Variants in ROBO1 observed in about 807,000 individuals in gnomAD.
ROBO1 encodes roundabout homolog 1.
In ROBO1, 149 loss-of-function variants were observed where a neutral mutation model predicts 195.9. The observed-to-expected ratio is 0.76, with a 90% CI of 0.67 to 0.87. ROBO1 has a LOEUF of 0.87. Among genes scored for constraint, ROBO1 ranks in the 40% least tolerant of loss-of-function variants. The pLI is 0.00. For synonymous variants in ROBO1, 816 were observed against 733.2 expected (o/e 1.11, Z -1.82); for missense variants, 1,933 against 2,068.3 (o/e 0.93, Z 1.27).
At chr3:79,381,857 T>C (rs891013531) in intron 2 of ROBO1, among the ~76,000 whole-genome samples, 3 of 152,288 alleles carry the variant, frequency 2.0e-5, no homozygotes, top group Non-Finnish European at 4.4e-5. Context: ...TAAAATTTTG[T>C]ACGTCTTTTC....
intron 3 of ROBO1, among the ~76,000 whole-genome samples, chr3:79,068,293 T>G (rs559506913): frequency 1.3e-4 from 19 of 151,862 alleles, no homozygotes; most frequent in African/African-American, 4.6e-4. Flanking sequence ...AAACTTCTCA[T>G]GCAATGAATG....
At chr3:78,655,051 T>C (rs1321471910) in intron 18 of ROBO1, among the ~76,000 whole-genome samples, 1 of 152,346 alleles carries the variant, frequency 6.6e-6, no homozygotes, top group East Asian at 1.9e-4. Flanking sequence ...TACAGTTTCT[T>C]GTGTTGCTTG....
intron 25 of ROBO1, among the ~76,000 whole-genome samples, chr3:78,629,052 C>T (rs539436558): frequency 2.0e-4 from 30 of 151,894 alleles, no homozygotes; most frequent in Admixed American, 1.5e-3. Flanking sequence ...GCAAAACACT[C>T]GAGTATCTGC....
intron 2 of ROBO1, among the ~76,000 whole-genome samples, chr3:79,205,316 T>C (rs930794870): frequency 2.6e-5 from 4 of 152,100 alleles, no homozygotes; most frequent in African/African-American, 4.8e-5. Flanking sequence ...ATGATTGGAT[T>C]AGGGAATTGT....
intron 1 of ROBO1, among the ~76,000 whole-genome samples, chr3:79,766,618 C>T (rs1256043463): frequency 6.6e-6 from 1 of 152,042 alleles, no homozygotes; most frequent in Non-Finnish European, 1.5e-5. Flanking sequence ...GTGGGGTTGC[C>T]ACGCCGAGTT....
intron 2 of ROBO1, among the ~76,000 whole-genome samples, chr3:79,422,367 T>A (rs1264718415): frequency 6.6e-6 from 1 of 152,000 alleles, no homozygotes; most frequent in East Asian, 1.9e-4. Context: ...GATTCCTTCT[T>A]ACTAACCCTA....
chr3:78,876,969 A>T (rs1014558611), intron 4 of ROBO1, among the ~76,000 whole-genome samples: 27 of 152,136 alleles, frequency 1.8e-4, no homozygotes, highest in African/African-American at 2.4e-5. Context: ...AGTTTGTTTA[A>T]GGCCAATTAT....
intron 10 of ROBO1, among the ~76,000 whole-genome samples, chr3:78,677,025 A>G (rs1314946463): frequency 6.6e-6 from 1 of 152,118 alleles, no homozygotes; most frequent in Non-Finnish European, 1.5e-5. Context: ...AATATTCAAC[A>G]TTCTTAAAGA....
At chr3:79,039,744 G>A (rs868380712) in intron 3 of ROBO1, among the ~76,000 whole-genome samples, 9 of 126,750 alleles carry the variant, frequency 7.1e-5, no homozygotes, top group Non-Finnish European at 1.1e-4. Flanking sequence ...GAGGTTGCAG[G>A]TGACCCGAGA....
chr3:79,265,861 C>T (rs71324665), intron 2 of ROBO1, among the ~76,000 whole-genome samples: 163 of 150,842 alleles, frequency 1.1e-3, no homozygotes, highest in Non-Finnish European at 2.1e-3. Context: ...AACTGTTATA[C>T]GACCCAATGG....
chr3:79,175,206 T>TC (rs1393637417), intron 2 of ROBO1, among the ~76,000 whole-genome samples: 1 of 152,244 alleles, frequency 6.6e-6, no homozygotes, highest in East Asian at 1.9e-4. Flanking sequence ...CTCAAACTTA[T>TC]AATAAAATTA....
At chr3:79,318,910 A>G (rs986984251) in intron 2 of ROBO1, among the ~76,000 whole-genome samples, 11 of 152,248 alleles carry the variant, frequency 7.2e-5, no homozygotes, top group South Asian at 2.1e-4. Flanking sequence ...AAAAAGAAAT[A>G]GGTAAAATGA....
At chr3:79,133,378 C>A (rs1411151671) in intron 2 of ROBO1, among the ~76,000 whole-genome samples, 40 of 121,322 alleles carry the variant, frequency 3.3e-4, no homozygotes, top group African/African-American at 1.3e-3. Flanking sequence ...AGGCTTTGCT[C>A]ATTTCTTTTT....
chr3:78,716,701 CAT>C (rs757747065), intron 7 of ROBO1, among the ~76,000 whole-genome samples: 94 of 152,324 alleles, frequency 6.2e-4, no homozygotes, highest in Non-Finnish European at 1.1e-3. Context: ...AGGCTCAACA[CAT>C]GTTTGCTGAA....
intron 4 of ROBO1, among the ~76,000 whole-genome samples, chr3:78,779,168 G>A (rs570051172): frequency 3.8e-4 from 58 of 152,198 alleles, no homozygotes; most frequent in African/African-American, 1.4e-3. Flanking sequence ...AGAAAATGCA[G>A]GCAATACCAT....
rs1004873347 is a variant in ROBO1, at chr3:79,278,754, G to C, written c.89-153215C>G. Among the ~76,000 whole-genome samples the C allele has an allele frequency of 4.6e-5, 7 of 151,996 alleles. No individual in the cohort carries two copies. The South Asian group carries it at 1.0e-3, about 23-fold the overall frequency. On this transcript the variant is annotated intron_variant, in intron 2 of 30. Transcript: ENST00000464233. ...CAAAACTGCAGAAGAAAACATACGG[G>C]AAATGCTTCAGAACATTGGCCTGGG...
At chr3:78,930,214 T>G (rs927197921) in intron 4 of ROBO1, among the ~76,000 whole-genome samples, 1 of 152,310 alleles carries the variant, frequency 6.6e-6, no homozygotes, top group East Asian at 1.9e-4. Flanking sequence ...TGTGGCACTA[T>G]GATGCTTATG....
intron 3 of ROBO1, among the ~76,000 whole-genome samples, chr3:79,052,439 G>C (rs576970621): frequency 9.2e-5 from 14 of 152,012 alleles, no homozygotes; most frequent in African/African-American, 1.7e-4. Context: ...TCTAGTTTCA[G>C]TCTGGCCATG....
At chr3:79,247,184 A>C (rs893407551) in intron 2 of ROBO1, among the ~76,000 whole-genome samples, 4 of 149,786 alleles carry the variant, frequency 2.7e-5, no homozygotes, top group African/African-American at 1.0e-4. Flanking sequence ...AGCTGTGAAC[A>C]TAGATAGAAT....
Sources: gnomAD v4.1 joint callset for allele counts (sites outside exome capture counted in the v4.1 genomes callset) on GRCh38, gnomAD v4.1.1 for gene constraint, MANE v1.5 for transcripts, NCBI Gene and HGNC (gene_info 2026-07-23, HGNC 2026-07-21) for gene names.